Variants in ASXL1 observed in about 807,000 individuals in gnomAD.
ASXL1 encodes polycomb group protein ASXL1.
A neutral mutation model predicts 89.1 loss-of-function variants in ASXL1; 65 were observed. That is an observed-to-expected ratio of 0.73 (90% CI 0.60 to 0.90). The LOEUF is 0.90. ASXL1 is among the 40% of genes least tolerant of loss of function. ASXL1 has a pLI of 0.00. For missense variants in ASXL1, 1,786 were observed against 1,942.9 expected (o/e 0.92, Z 1.52); for synonymous variants, 739 against 746.9 (o/e 0.99, Z 0.17).
chr20:32,366,576 C>G, intron 2 of ASXL1, 110 bp downstream of exon 2: 3 of 1,584,060 alleles, frequency 1.9e-6, no homozygotes, highest in Non-Finnish European at 2.6e-6. Context: ...GCTTCTGTGT[C>G]TGGTAGTGAG....
chr20:32,401,550 TCCCCCCCCCC>T (rs71187117), intron 4 of ASXL1, among the ~76,000 whole-genome samples: 1 of 129,962 alleles, frequency 7.7e-6, no homozygotes, highest in African/African-American at 3.4e-5. Context: ...GTGTGTTTTT[TCCCCCCCCCC>T]CTTTTTTTTT....
intron 1 of ASXL1, chr20:32,359,959 CTG>C (rs1167244463): frequency 4.5e-5 from 29 of 644,422 alleles, no homozygotes; most frequent in Admixed American, 4.1e-4. Flanking sequence ...TCTCTTGACA[CTG>C]TAGTTTATAT....
intron 4 of ASXL1, among the ~76,000 whole-genome samples, chr20:32,404,225 A>G (rs928669860): frequency 6.6e-6 from 1 of 151,916 alleles, no homozygotes; most frequent in African/African-American, 2.4e-5. Context: ...CACGAGATCA[A>G]CTCTTTTAGC....
intron 1 of ASXL1, among the ~76,000 whole-genome samples, chr20:32,363,721 A>C (rs980771335): frequency 1.3e-5 from 2 of 152,178 alleles, no homozygotes; most frequent in African/African-American, 2.4e-5. Context: ...TTCTGAGCTG[A>C]ATCTTGAAGG....
intron 4 of ASXL1, among the ~76,000 whole-genome samples, chr20:32,421,838 T>C (rs1048472358): frequency 2.0e-5 from 3 of 151,320 alleles, no homozygotes; most frequent in Non-Finnish European, 2.9e-5. Flanking sequence ...ATGATTGCCT[T>C]CGTGGGGTGA....
intron 4 of ASXL1, among the ~76,000 whole-genome samples, chr20:32,380,072 A>G (rs1031445165): frequency 3.3e-5 from 5 of 152,148 alleles, no homozygotes; most frequent in Non-Finnish European, 5.9e-5. Context: ...ACCTGAGGTC[A>G]GGAGTTCAAG....
At chr20:32,419,330 G>A (rs1255367305) in intron 4 of ASXL1, among the ~76,000 whole-genome samples, 1 of 152,018 alleles carries the variant, frequency 6.6e-6, no homozygotes, top group Non-Finnish European at 1.5e-5. Flanking sequence ...AGCCTCCCGA[G>A]TAGCTGAGAC....
At chr20:32,410,328 G>A (rs1442685480) in intron 4 of ASXL1, among the ~76,000 whole-genome samples, 2 of 151,840 alleles carry the variant, frequency 1.3e-5, no homozygotes, top group East Asian at 1.9e-4. Flanking sequence ...TTAGAAATAC[G>A]GTCTTACACC....
chr20:32,409,762 A>C (rs1014142422), intron 4 of ASXL1, among the ~76,000 whole-genome samples: 2 of 152,148 alleles, frequency 1.3e-5, no homozygotes, highest in Admixed American at 6.6e-5. Flanking sequence ...TAAAAAAAAA[A>C]CTGCATATTT....
chr20:32,395,127 G>GT (rs1365149745), intron 4 of ASXL1, among the ~76,000 whole-genome samples: 2 of 152,306 alleles, frequency 1.3e-5, no homozygotes, highest in East Asian at 3.9e-4. Context: ...ATTTTCTTCA[G>GT]TTTTTTCTCG....
chr20:32,358,902 T>G (rs1257372498), intron 1 of ASXL1, 70 bp downstream of exon 1: 13 of 1,306,548 alleles, frequency 9.9e-6, no homozygotes, highest in South Asian at 4.9e-5. Flanking sequence ...ACCCCCCCAC[T>G]GGGGGGGGAG....
Position 32,431,305 on chromosome 20 carries a change from G to C in ASXL1, c.719-16G>C. On this transcript the variant is annotated splice_polypyrimidine_tract_variant and intron_variant, in intron 8 of 12. Transcript: ENST00000375687. ...TTTAAAAAGCTGAAATCTATACCTT[G>C]CTTCAAAAATCATAGGTCAAATGAA... 6.2e-7 allele frequency: 1 copy of C among 1,614,168 alleles called. No homozygotes were observed. The highest frequency in any genetic ancestry group is 1.1e-5 in the South Asian group (1 of 91,086).
intron 11 of ASXL1, 135 bp downstream of exon 11, chr20:32,433,120 G>A (rs2011577525): frequency 1.3e-6 from 2 of 1,531,306 alleles, no homozygotes; most frequent in South Asian, 2.4e-5. Flanking sequence ...TTATCTTAAT[G>A]CCATTCATAG....
Position 32,429,075 on chromosome 20 carries a change from T to TA in ASXL1, c.472-262dup. ...GCAGTTTGAATGATAACCCTGCACT[T>TA]ACTAGCCTTGAGACTTGGGGAAAAT... is the stretch of plus-strand genomic sequence containing the variant. On this transcript the variant is annotated intron_variant, in intron 6 of 12. Coordinates refer to ENST00000375687, the MANE Select transcript of ASXL1 (RefSeq NM_015338.6). The surrounding 1 kb of genome is among the most constrained non-coding windows in gnomAD (Gnocchi z 4.9). 1 of 479,826 alleles carries TA rather than the reference T, an allele frequency of 2.1e-6. No individual in the cohort carries two copies. Among genetic ancestry groups the TA allele is most frequent in the East Asian group, 4.1e-5 (1 of 24,586 alleles). 29.7% of individuals were successfully genotyped at this position (479,826 alleles called of 1,614,324 possible).
chr20:32,394,962 T>C (rs2048736800), intron 4 of ASXL1, among the ~76,000 whole-genome samples: 2 of 151,630 alleles, frequency 1.3e-5, no homozygotes, highest in African/African-American at 4.8e-5. Context: ...GATCCGCCTG[T>C]CTTGGCCTCC....
chr20:32,402,818 T>A (rs949798120), intron 4 of ASXL1, among the ~76,000 whole-genome samples: 1 of 152,224 alleles, frequency 6.6e-6, no homozygotes, highest in Non-Finnish European at 1.5e-5. Context: ...TACTGTTGAG[T>A]GTTCTAGACA....
At chr20:32,423,547 T>G (rs2011195754) in intron 4 of ASXL1, among the ~76,000 whole-genome samples, 2 of 151,042 alleles carry the variant, frequency 1.3e-5, no homozygotes, top group South Asian at 4.2e-4. Flanking sequence ...CATTTTTTAT[T>G]TATTTATTTA....
chr20:32,417,515 C>T (rs2049158341), intron 4 of ASXL1, among the ~76,000 whole-genome samples: 1 of 152,092 alleles, frequency 6.6e-6, no homozygotes, highest in Non-Finnish European at 1.5e-5. Flanking sequence ...TTCAAGAGAA[C>T]CTTTTTATGT....
At chr20:32,413,462 T>G (rs1411977875) in intron 4 of ASXL1, among the ~76,000 whole-genome samples, 2 of 152,198 alleles carry the variant, frequency 1.3e-5, no homozygotes, top group East Asian at 3.8e-4. Context: ...AAAAACAAAA[T>G]GGGTTACAAA....
Sources: allele counts gnomAD v4.1 joint callset (sites outside exome capture counted in the v4.1 genomes callset), GRCh38; gene constraint gnomAD v4.1.1; non-coding constraint Gnocchi (gnomAD v3.1); transcripts MANE v1.5; gene names NCBI Gene and HGNC (gene_info 2026-07-23, HGNC 2026-07-21).